NTF3: variants seen among roughly 807,000 people sequenced by gnomAD.
NTF3 encodes the protein neurotrophin 3.
In NTF3, 8 loss-of-function variants were observed where a neutral mutation model predicts 26.3. That is an observed-to-expected ratio of 0.30 (90% CI 0.18 to 0.55). The LOEUF (loss-of-function observed/expected upper bound fraction) is 0.55. Among genes scored for constraint, NTF3 ranks in the 20% least tolerant of loss-of-function variants. The probability of loss-of-function intolerance (pLI) is 0.93; values close to 1 mark genes in which losing one functional copy is unlikely to be tolerated. For missense variants in NTF3, 276 were observed against 352.9 expected, an observed-to-expected ratio of 0.78 and a Z score of 1.75; for synonymous variants, 154 against 145.5, an observed-to-expected ratio of 1.06 and a Z score of -0.42.
Position 5,433,551 on chromosome 12 carries a change from T to C in NTF3, c.18+1209T>C, listed in dbSNP as rs1299800919. Among the ~76,000 whole-genome samples the C allele has an allele frequency of 6.6e-6, 1 of 151,650 alleles. No individual in the cohort carries two copies. Among genetic ancestry groups the C allele is most frequent in the Non-Finnish European group, 1.5e-5 (1 of 67,960 alleles). The stretch of plus-strand genomic sequence containing the variant: ...AGGAGGCGCTGCTTCTTTGCGGGAG[T>C]TTGGCTGCTGCGTTCATTCGTCGTC... On this transcript the variant is annotated intron_variant, in intron 1 of 1. Coordinates refer to ENST00000423158, the MANE Select transcript of NTF3 (RefSeq NM_001102654.2). This position sits in a 1 kb window ranked among gnomAD's most constrained non-coding sequence, Gnocchi z 4.6.
intron 1 of NTF3, among the ~76,000 whole-genome samples, chr12:5,489,773 G>C (rs3935822): frequency 2.0e-3 from 297 of 152,290 alleles, no homozygotes; most frequent in Non-Finnish European, 3.2e-3. Flanking sequence ...GCAGACGCAG[G>C]TTGCTGGGGG....
chr12:5,469,138 GA>G (rs1434796863), intron 1 of NTF3, among the ~76,000 whole-genome samples: 1 of 151,930 alleles, frequency 6.6e-6, no homozygotes, highest in Admixed American at 6.6e-5. Context: ...AAAAGAGGAA[GA>G]AGTTGCTGAA....
At chr12:5,434,645 C>T (rs971509982) in intron 1 of NTF3, among the ~76,000 whole-genome samples, 1 of 151,986 alleles carries the variant, frequency 6.6e-6, no homozygotes, top group East Asian at 1.9e-4. Context: ...GTAGCTAATG[C>T]GAAATCTGTG....
chr12:5,465,283 C>T (rs1244301024), intron 1 of NTF3, among the ~76,000 whole-genome samples: 1 of 152,234 alleles, frequency 6.6e-6, no homozygotes, highest in African/African-American at 2.4e-5. Flanking sequence ...ACTTTGGCTG[C>T]AGGCCGTTGC....
At position 5,491,563 on chromosome 12, in the gene NTF3, G is replaced by A. The variant is rs558347846; in HGVS notation, c.19-2631G>A. ...TGAAAAACGGGTGAAATTTCAACAG[G>A]AGAGGCAGTGCACATGGGTTGTGAT... On this transcript the variant is annotated intron_variant, in intron 1 of 1. Transcript: ENST00000423158. Among the ~76,000 whole-genome samples the A allele has an allele frequency of 3.3e-5, 5 of 152,222 alleles. No homozygotes were observed. In the South Asian group the frequency reaches 1.0e-3, roughly 32 times the overall value.
intron 1 of NTF3, among the ~76,000 whole-genome samples, chr12:5,474,223 T>G (rs542300519): frequency 6.6e-6 from 1 of 152,320 alleles, no homozygotes; most frequent in East Asian, 1.9e-4. Flanking sequence ...CAGGCACCAT[T>G]GCAGGTGCTA....
At chr12:5,489,863 A>G (rs1940912041) in intron 1 of NTF3, among the ~76,000 whole-genome samples, 1 of 152,198 alleles carries the variant, frequency 6.6e-6, no homozygotes, top group African/African-American at 2.4e-5. Flanking sequence ...CCCTCTGTGG[A>G]TGCTGTAAAC....
chr12:5,430,332 A>G (rs367612273), upstream of NTF3, among the ~76,000 whole-genome samples: 7 of 152,116 alleles, frequency 4.6e-5, no homozygotes, highest in Non-Finnish European at 7.4e-5. Context: ...GAGCACGCCC[A>G]ATCCAAACCT....
intron 1 of NTF3, among the ~76,000 whole-genome samples, chr12:5,437,246 C>A (rs1444614782): frequency 6.6e-6 from 1 of 152,222 alleles, no homozygotes; most frequent in Non-Finnish European, 1.5e-5. Context: ...CATAAATAGT[C>A]AGGAGCTAAG....
Position 5,450,509 on chromosome 12 carries a change from C to G in NTF3, c.18+18167C>G, listed in dbSNP as rs535157989. Among the ~76,000 whole-genome samples the G allele has an allele frequency of 9.2e-5, 14 of 152,356 alleles. No homozygotes were observed. The East Asian group carries it at 2.7e-3, about 29-fold the overall frequency. On this transcript the variant is annotated intron_variant, in intron 1 of 1. Transcript: ENST00000423158. ...TTAATTTTTCCCTATCACATTGCCT[C>G]TGCAACTTCTGAATGGTTGCAGCCA... is the stretch of plus-strand genomic sequence containing the variant.
chr12:5,489,761 G>C (rs1940910950), intron 1 of NTF3, among the ~76,000 whole-genome samples: 1 of 152,154 alleles, frequency 6.6e-6, no homozygotes, highest in Non-Finnish European at 1.5e-5. Context: ...GCACGTGACA[G>C]GGCAGACGCA....
At chr12:5,483,847 G>A (rs1372565114) in intron 1 of NTF3, among the ~76,000 whole-genome samples, 1 of 152,222 alleles carries the variant, frequency 6.6e-6, no homozygotes. Flanking sequence ...AGTGATTGCA[G>A]GTTTATGGAC....
Position 5,495,103 on chromosome 12 carries a change from TCAG to T in NTF3, c.*118_*120del. 1 of 1,136,430 alleles carries T rather than the reference TCAG, an allele frequency of 8.8e-7. No individual in the cohort carries two copies. The highest frequency in any genetic ancestry group is 1.2e-6 in the Non-Finnish European group (1 of 800,378). 70.4% of individuals were successfully genotyped at this position (1,136,430 alleles called of 1,614,324 possible). ...TAAGTTGACCTTTATTTATTAAACT[TCAG>T]CAACCCTACAGTATATAAGCTTTTT... On this transcript the variant is annotated 3_prime_UTR_variant, in exon 2 of 2. Transcript: ENST00000423158.
intron 1 of NTF3, among the ~76,000 whole-genome samples, chr12:5,492,738 G>A (rs1200860835): frequency 6.6e-6 from 1 of 152,194 alleles, no homozygotes; most frequent in East Asian, 1.9e-4. Context: ...CCTCACTGTT[G>A]TTGACCTCTA....
chr12:5,466,945 G>A (rs1290949446), intron 1 of NTF3, among the ~76,000 whole-genome samples: 1 of 152,080 alleles, frequency 6.6e-6, no homozygotes, highest in African/African-American at 2.4e-5. Flanking sequence ...AAAAAGTCGG[G>A]TGCTTGGCCG....
chr12:5,431,406 C>A (rs942897178), upstream of NTF3, among the ~76,000 whole-genome samples: 1 of 152,200 alleles, frequency 6.6e-6, no homozygotes, highest in Non-Finnish European at 1.5e-5. Flanking sequence ...CACAGCCCCT[C>A]CCTAGTCCCT....
At chr12:5,432,973 G>C (rs570498514) in intron 1 of NTF3, among the ~76,000 whole-genome samples, 6 of 152,190 alleles carry the variant, frequency 3.9e-5, no homozygotes, top group Non-Finnish European at 4.4e-5. Context: ...GGCGTGGGCT[G>C]GGGGGAGGGG....
chr12:5,455,170 G>A (rs116592565), intron 1 of NTF3, among the ~76,000 whole-genome samples: 323 of 152,244 alleles, frequency 2.1e-3, no homozygotes, highest in Admixed American at 4.0e-3. Flanking sequence ...AGGGTCATGC[G>A]GCATGCATCT....
At chr12:5,493,539 T>C (rs1940964828) in intron 1 of NTF3, among the ~76,000 whole-genome samples, 1 of 152,086 alleles carries the variant, frequency 6.6e-6, no homozygotes, top group Non-Finnish European at 1.5e-5. Flanking sequence ...TGCGTATGTA[T>C]CAGAAAGCTC....
Sources: allele counts gnomAD v4.1 joint callset (sites outside exome capture counted in the v4.1 genomes callset), GRCh38; gene constraint gnomAD v4.1.1; non-coding constraint Gnocchi (gnomAD v3.1); transcripts MANE v1.5; gene names NCBI Gene and HGNC (gene_info 2026-07-23, HGNC 2026-07-21).